The following DAAM2 variants were observed in gnomAD, a reference collection of about 807,000 sequenced individuals.
The protein encoded by DAAM2 is dishevelled associated activator of morphogenesis 2.
DAAM2 carries 39 observed loss-of-function variants against 120.7 expected under a neutral mutation model. The ratio of observed to expected loss-of-function variants is 0.32; its 90% CI spans 0.25 to 0.42. DAAM2 has a LOEUF of 0.42. Among genes scored for constraint, DAAM2 ranks in the 10% least tolerant of loss-of-function variants. The pLI is 1.00. For synonymous variants in DAAM2, 488 were observed against 524.9 expected (o/e 0.93, Z 0.96); for missense variants, 1,283 against 1,401.7 (o/e 0.92, Z 1.35).
chr6:39,853,097 C>T (rs1244081425), intron 1 of DAAM2, among the ~76,000 whole-genome samples: 2 of 152,192 alleles, frequency 1.3e-5, no homozygotes, highest in Non-Finnish European at 2.9e-5. Context: ...CGGACCACAG[C>T]CTGGCTGCTG....
intron 1 of DAAM2, among the ~76,000 whole-genome samples, chr6:39,839,613 C>T (rs954903889): frequency 6.6e-6 from 1 of 152,208 alleles, no homozygotes; most frequent in African/African-American, 2.4e-5. Flanking sequence ...TCAGCCTGGG[C>T]TGGAGGTCAG....
At chr6:39,822,153 A>T (rs546257964) in intron 1 of DAAM2, 3 of 152,332 alleles carry the variant, frequency 2.0e-5, no homozygotes, top group East Asian at 3.9e-4. Context: ...CAGCAGGGGG[A>T]TGGGCTCAGC....
chr6:39,887,318 T>C (rs1025863516), intron 15 of DAAM2, 168 bp from the exon 16 acceptor site: 1 of 565,742 alleles, frequency 1.8e-6, no homozygotes, highest in Non-Finnish European at 3.1e-6. Flanking sequence ...AGATACCGTC[T>C]CTTAAAGTTA....
intron 1 of DAAM2, among the ~76,000 whole-genome samples, chr6:39,810,912 C>T (rs942396375): frequency 1.3e-5 from 2 of 152,140 alleles, no homozygotes; most frequent in Non-Finnish European, 2.9e-5. Context: ...CTTTATTACA[C>T]CCTAAGGGAA....
intron 2 of DAAM2, among the ~76,000 whole-genome samples, chr6:39,860,534 T>G (rs1764168290): frequency 6.6e-6 from 1 of 151,988 alleles, no homozygotes; most frequent in African/African-American, 2.4e-5. Flanking sequence ...TTGTTAGGCT[T>G]TGTATTATGG....
intron 1 of DAAM2, among the ~76,000 whole-genome samples, chr6:39,801,133 A>G (rs1761850371): frequency 6.6e-6 from 1 of 152,196 alleles, no homozygotes. Flanking sequence ...GAAAAATGCT[A>G]CAAGTTTTAG....
intron 1 of DAAM2, among the ~76,000 whole-genome samples, chr6:39,845,019 C>T (rs2149260925): frequency 7.0e-6 from 1 of 142,304 alleles, no homozygotes; most frequent in Middle Eastern, 4.0e-3. Context: ...CACACCCCCC[C>T]ACACATATAC....
At chr6:39,857,085 G>A (rs1015984748) in intron 2 of DAAM2, among the ~76,000 whole-genome samples, 1 of 152,356 alleles carries the variant, frequency 6.6e-6, no homozygotes, top group African/African-American at 2.4e-5. Flanking sequence ...GCCCAGACCA[G>A]CTTTCAGACT....
intron 10 of DAAM2, among the ~76,000 whole-genome samples, chr6:39,874,474 T>C (rs1005450847): frequency 1.3e-5 from 2 of 152,216 alleles, no homozygotes; most frequent in Non-Finnish European, 2.9e-5. Flanking sequence ...CCTGACTTCT[T>C]GTGCTCCCAG....
chr6:39,795,715 C>G (rs1293081947), intron 1 of DAAM2, among the ~76,000 whole-genome samples: 2 of 152,126 alleles, frequency 1.3e-5, no homozygotes, highest in African/African-American at 4.8e-5. Flanking sequence ...GGTGGAGTTT[C>G]TAGGGCTCTG....
At chr6:39,808,356 A>T (rs928791347) in intron 1 of DAAM2, among the ~76,000 whole-genome samples, 1 of 152,214 alleles carries the variant, frequency 6.6e-6, no homozygotes, top group Non-Finnish European at 1.5e-5. Flanking sequence ...TGATAAGGAC[A>T]TGGGACCAGA....
chr6:39,835,183 T>C (rs912229112), intron 1 of DAAM2, among the ~76,000 whole-genome samples: 1 of 152,218 alleles, frequency 6.6e-6, no homozygotes, highest in Non-Finnish European at 1.5e-5. Flanking sequence ...GTTGACATAG[T>C]CATTAAGCTA....
chr6:39,884,638 CCTG>C, intron 15 of DAAM2: 1 of 153,786 alleles, frequency 6.5e-6, no homozygotes, highest in African/African-American at 2.4e-5. Context: ...TGGGCCTGGG[CCTG>C]GGCCTGGGAA....
rs568051494 is a variant in DAAM2 at position 39,890,904 on chromosome 6, C to T, written c.2146-437C>T. Reference sequence around the variant, plus strand: ...GGGAGGTAAAGACCAGCCAGGGCTACGTAGTGAGGTCCAGTCTTACAAAAT... The same window carrying T: ...GGGAGGTAAAGACCAGCCAGGGCTATGTAGTGAGGTCCAGTCTTACAAAAT... On this transcript the variant is annotated intron_variant, in intron 17 of 24. Transcript: ENST00000274867. 8.1e-4 allele frequency among the ~76,000 whole-genome samples: 123 copies of T among 151,940 alleles called. 1 individual carries two copies. The highest frequency in any genetic ancestry group is 2.6e-3 in the African/African-American group (109 of 41,422).
intron 21 of DAAM2, 45 bp from the exon 22 acceptor site, chr6:39,898,832 G>T: frequency 6.5e-7 from 1 of 1,526,800 alleles, no homozygotes; most frequent in Non-Finnish European, 9.0e-7. Flanking sequence ...ACCTCAAGGC[G>T]GGAGTTGATG....
chr6:39,817,944 C>T lies in DAAM2; in HGVS notation c.-57+25479C>T, dbSNP rs555857185. 2.7e-3 allele frequency among the ~76,000 whole-genome samples: 412 copies of T among 152,030 alleles called. 3 individuals are homozygous for T. Among genetic ancestry groups the T allele is most frequent in the African/African-American group, 9.2e-3 (382 of 41,484 alleles). ...CTGTAATCCCAGCACTTTGGGAGGC[C>T]GAGGTGGGTGGATCACCTGAGGTCA... On this transcript the variant is annotated intron_variant, in intron 1 of 24. Coordinates refer to ENST00000274867, the MANE Select transcript of DAAM2 (RefSeq NM_001201427.2).
Position 39,878,686 on chromosome 6 carries a change from A to C in DAAM2, c.1545+98A>C. ...TGTCGGAGAGGCCAAGGACCCCAGC[A>C]TGAGGGAGAAGGGAGATGGAGACCT... On this transcript the variant is annotated intron_variant, in intron 13 of 24. Coordinates refer to ENST00000274867, the MANE Select transcript of DAAM2 (RefSeq NM_001201427.2). The surrounding 1 kb of genome is among the most constrained non-coding windows in gnomAD (Gnocchi z 5.0). The C allele has an allele frequency of 4.0e-6, 5 of 1,262,298 alleles. No individual in the cohort carries two copies. Among genetic ancestry groups the C allele is most frequent in the Non-Finnish European group, 5.5e-6 (5 of 915,754 alleles). 78.2% of individuals were successfully genotyped at this position (1,262,298 alleles called of 1,614,324 possible). A position where few individuals can be genotyped will look rare whatever the true frequency, so the allele number is the denominator to read the frequency against.
At chr6:39,825,213 A>G (rs1178243269) in intron 1 of DAAM2, among the ~76,000 whole-genome samples, 1 of 151,954 alleles carries the variant, frequency 6.6e-6, no homozygotes, top group Non-Finnish European at 1.5e-5. Flanking sequence ...GACATGGGGA[A>G]ACGCTCTCTC....
chr6:39,904,672 C>T lies in DAAM2; in HGVS notation c.*2635C>T. On this transcript the variant is annotated 3_prime_UTR_variant, in exon 25 of 25. Coordinates refer to ENST00000274867, the MANE Select transcript of DAAM2 (RefSeq NM_001201427.2). ...TCTCCCTACTCCCATCCCATTTCCA[C>T]CAACTGGGGAACTGTGACTATCTAT... 2.2e-6 allele frequency: 1 copy of T among 453,756 alleles called. No homozygotes were observed. Among genetic ancestry groups the T allele is most frequent in the Non-Finnish European group, 4.4e-6 (1 of 226,726 alleles). 28.1% of individuals were successfully genotyped at this position (453,756 alleles called of 1,614,324 possible). A position where few individuals can be genotyped will look rare whatever the true frequency, so the allele number is the denominator to read the frequency against.
Sources: allele counts gnomAD v4.1 joint callset (sites outside exome capture counted in the v4.1 genomes callset), GRCh38; gene constraint gnomAD v4.1.1; non-coding constraint Gnocchi (gnomAD v3.1); transcripts MANE v1.5; gene names NCBI Gene and HGNC (gene_info 2026-07-23, HGNC 2026-07-21).